The following KCNIP4 variants were observed in gnomAD, a reference collection of about 807,000 sequenced individuals.
KCNIP4 encodes potassium voltage-gated channel interacting protein 4.
KCNIP4 carries 12 observed loss-of-function variants against 34.0 expected under a neutral mutation model. That is an observed-to-expected ratio of 0.35 (90% CI 0.23 to 0.57). The LOEUF is 0.57. Among genes scored for constraint, KCNIP4 ranks in the 20% least tolerant of loss-of-function variants. KCNIP4 has a pLI of 0.83. For missense variants in KCNIP4, 238 were observed against 311.7 expected (o/e 0.76, Z 1.78); for synonymous variants, 124 against 102.2 (o/e 1.21, Z -1.29).
At chr4:20,731,351 G>A (rs1042009750) in intron 8 of KCNIP4, 1 of 975,288 alleles carries the variant, frequency 1.0e-6, no homozygotes, top group Non-Finnish European at 1.2e-6. Flanking sequence ...TGGGATTACA[G>A]TTGTGAGCTA....
At chr4:21,123,741 G>T (rs893301850) in intron 1 of KCNIP4, among the ~76,000 whole-genome samples, 1 of 152,130 alleles carries the variant, frequency 6.6e-6, no homozygotes, top group East Asian at 1.9e-4. Context: ...TCATGTGGGT[G>T]GGGCCCTCGC....
chr4:21,013,896 C>T (rs1023957557), intron 1 of KCNIP4, among the ~76,000 whole-genome samples: 16 of 152,232 alleles, frequency 1.1e-4, no homozygotes, highest in African/African-American at 3.4e-4. Context: ...TTCTTTGAAA[C>T]TCTTTACCTT....
At chr4:21,408,397 G>C (rs1245474012) in intron 1 of KCNIP4, among the ~76,000 whole-genome samples, 3 of 152,088 alleles carry the variant, frequency 2.0e-5, no homozygotes, top group African/African-American at 7.2e-5. Context: ...AAATTATAAA[G>C]ATTCTGCAAG....
At chr4:21,389,431 T>G (rs1307624499) in intron 1 of KCNIP4, among the ~76,000 whole-genome samples, 2 of 150,302 alleles carry the variant, frequency 1.3e-5, no homozygotes, top group Admixed American at 1.3e-4. Flanking sequence ...TAGGTATATC[T>G]CCTAATGATA....
intron 1 of KCNIP4, among the ~76,000 whole-genome samples, chr4:21,294,315 A>C (rs943201610): frequency 3.3e-5 from 5 of 152,070 alleles, no homozygotes; most frequent in Non-Finnish European, 7.4e-5. Flanking sequence ...TGTACCTTCA[A>C]CAACAAGATC....
At chr4:21,634,800 T>C (rs1363827987) in intron 1 of KCNIP4, among the ~76,000 whole-genome samples, 2 of 152,158 alleles carry the variant, frequency 1.3e-5, no homozygotes, top group Non-Finnish European at 2.9e-5. Context: ...AAGACCTGGT[T>C]TGCCAACTCT....
At chr4:21,757,287 G>GAAA (rs1221405024) in intron 1 of KCNIP4, among the ~76,000 whole-genome samples, 3 of 83,486 alleles carry the variant, frequency 3.6e-5, no homozygotes, top group African/African-American at 3.0e-5. Flanking sequence ...GAAAAGAAAA[G>GAAA]AGAAAAGAAA....
chr4:21,539,618 CT>C (rs1560500172), intron 1 of KCNIP4, among the ~76,000 whole-genome samples: 1 of 152,116 alleles, frequency 6.6e-6, no homozygotes, highest in Non-Finnish European at 1.5e-5. Context: ...CCAGATTGAG[CT>C]GACATTTACT....
chr4:21,236,027 G>T (rs1759331257), intron 1 of KCNIP4, among the ~76,000 whole-genome samples: 1 of 152,158 alleles, frequency 6.6e-6, no homozygotes, highest in Non-Finnish European at 1.5e-5. Context: ...GGGCACGGTG[G>T]CTCATGCCTG....
chr4:21,323,865 A>G (rs924504628), intron 1 of KCNIP4, among the ~76,000 whole-genome samples: 35 of 152,066 alleles, frequency 2.3e-4, no homozygotes, highest in African/African-American at 8.4e-4. Flanking sequence ...GTTCCTACCA[A>G]TAGTGTACTA....
intron 1 of KCNIP4, among the ~76,000 whole-genome samples, chr4:21,466,120 A>T (rs921432813): frequency 1.3e-5 from 2 of 152,146 alleles, no homozygotes; most frequent in African/African-American, 4.8e-5. Context: ...AGAGATCAGG[A>T]TCATTGTCCT....
At chr4:21,859,422 C>A (rs1298623638) in intron 1 of KCNIP4, among the ~76,000 whole-genome samples, 1 of 149,622 alleles carries the variant, frequency 6.7e-6, no homozygotes, top group Non-Finnish European at 1.5e-5. Flanking sequence ...TCCTGGCTAA[C>A]ACGGAGAAAC....
chr4:21,416,079 T>G (rs537865783), intron 1 of KCNIP4, among the ~76,000 whole-genome samples: 1 of 152,236 alleles, frequency 6.6e-6, no homozygotes, highest in Non-Finnish European at 1.5e-5. Flanking sequence ...ATTCTGGGGC[T>G]AAGAAAAGCA....
At chr4:20,905,851 G>A (rs911332000) in intron 1 of KCNIP4, among the ~76,000 whole-genome samples, 5 of 151,682 alleles carry the variant, frequency 3.3e-5, no homozygotes, top group Admixed American at 1.3e-4. Flanking sequence ...TCAAGGTATA[G>A]GGAAAAAAAC....
intron 1 of KCNIP4, among the ~76,000 whole-genome samples, chr4:20,987,146 A>C (rs1736651201): frequency 6.6e-6 from 1 of 152,174 alleles, no homozygotes; most frequent in Non-Finnish European, 1.5e-5. Flanking sequence ...TTGCCTGCAT[A>C]GCGCTTTGGG....
At chr4:21,003,178 A>G (rs989967539) in intron 1 of KCNIP4, among the ~76,000 whole-genome samples, 2 of 152,184 alleles carry the variant, frequency 1.3e-5, no homozygotes, top group African/African-American at 4.8e-5. Flanking sequence ...CACTTCCTGA[A>G]GGTCACAAAG....
At chr4:21,037,738 C>A (rs969822105) in intron 1 of KCNIP4, among the ~76,000 whole-genome samples, 1 of 152,186 alleles carries the variant, frequency 6.6e-6, no homozygotes, top group African/African-American at 2.4e-5. Flanking sequence ...ATCAAATCAT[C>A]CTTTGCCATT....
intron 1 of KCNIP4, among the ~76,000 whole-genome samples, chr4:21,710,802 G>C (rs985295767): frequency 1.3e-5 from 2 of 152,114 alleles, no homozygotes; most frequent in Non-Finnish European, 1.5e-5. Flanking sequence ...AAAATCTAGA[G>C]ATAGAATTCT....
chr4:21,008,570 T>C (rs189348675), intron 1 of KCNIP4, among the ~76,000 whole-genome samples: 6,850 of 151,866 alleles, frequency 0.045, 232 homozygotes, highest in Middle Eastern at 0.13. Flanking sequence ...GTCGCCCAGG[T>C]TGGAGTGCAG....
Sources: gnomAD v4.1 joint callset for allele counts (sites outside exome capture counted in the v4.1 genomes callset) on GRCh38, gnomAD v4.1.1 for gene constraint, MANE v1.5 for transcripts, NCBI Gene and HGNC (gene_info 2026-07-23, HGNC 2026-07-21) for gene names.